PARD3B: variants seen among roughly 807,000 people sequenced by gnomAD.
The protein encoded by PARD3B is partitioning defective 3 homolog B.
In PARD3B, 103 loss-of-function variants were observed where a neutral mutation model predicts 130.2. That is an observed-to-expected ratio of 0.79 (90% CI 0.67 to 0.93). The LOEUF (loss-of-function observed/expected upper bound fraction) is 0.93, where lower values mean the gene tolerates loss of function less well. Ranked by LOEUF, PARD3B falls within the 40% of genes least tolerant of loss-of-function variation. PARD3B has a pLI of 0.00. For synonymous variants in PARD3B, 583 were observed against 553.2 expected (o/e 1.05, Z -0.76); for missense variants, 1,609 against 1,499.2 (o/e 1.07, Z -1.21).
intron 2 of PARD3B, among the ~76,000 whole-genome samples, chr2:204,885,757 A>G (rs180734633): frequency 1.4e-4 from 21 of 152,338 alleles, no homozygotes; most frequent in African/African-American, 4.1e-4. Context: ...TTGGGGGCCT[A>G]TATGTCCAGT....
intron 21 of PARD3B, among the ~76,000 whole-genome samples, chr2:205,511,799 C>T (rs1483438297): frequency 1.3e-5 from 2 of 152,184 alleles, no homozygotes; most frequent in Non-Finnish European, 2.9e-5. Flanking sequence ...ACAATTAAAA[C>T]TCCACATAAG....
intron 1 of PARD3B, among the ~76,000 whole-genome samples, chr2:204,650,776 G>A: frequency 6.6e-6 from 1 of 152,146 alleles, no homozygotes; most frequent in South Asian, 2.1e-4. Context: ...AAGAGGTTTA[G>A]TTGACTCACT....
chr2:205,009,970 C>G (rs571559657), intron 3 of PARD3B, among the ~76,000 whole-genome samples: 1 of 152,184 alleles, frequency 6.6e-6, no homozygotes, highest in African/African-American at 2.4e-5. Flanking sequence ...TCACTTCAAC[C>G]CATGAGGTAG....
intron 1 of PARD3B, among the ~76,000 whole-genome samples, chr2:204,576,767 A>G (rs151204002): frequency 5.5e-4 from 84 of 152,260 alleles, no homozygotes; most frequent in African/African-American, 2.0e-3. Context: ...TGAGTCATCT[A>G]CAAGTTCTCA....
At chr2:204,663,517 G>A (rs2035905039) in intron 1 of PARD3B, among the ~76,000 whole-genome samples, 1 of 152,154 alleles carries the variant, frequency 6.6e-6, no homozygotes, top group African/African-American at 2.4e-5. Flanking sequence ...TAGTTGGCTT[G>A]GATTTTAAAA....
chr2:204,721,084 C>T (rs933683488), intron 2 of PARD3B, among the ~76,000 whole-genome samples: 6 of 152,090 alleles, frequency 3.9e-5, no homozygotes, highest in East Asian at 1.9e-4. Flanking sequence ...GATCTCACCT[C>T]GCTGCAAAGC....
intron 2 of PARD3B, among the ~76,000 whole-genome samples, chr2:204,753,109 C>G (rs958886001): frequency 4.6e-5 from 7 of 152,086 alleles, no homozygotes; most frequent in Non-Finnish European, 5.9e-5. Context: ...ATGTAAAACA[C>G]AGTTTTGTCA....
intron 4 of PARD3B, among the ~76,000 whole-genome samples, chr2:205,052,628 C>G (rs1489704627): frequency 6.6e-6 from 1 of 151,324 alleles, no homozygotes; most frequent in Non-Finnish European, 1.5e-5. Context: ...AAATCAACCA[C>G]TGTTTGGGGG....
chr2:205,422,769 C>CGGAA (rs1334886332), intron 19 of PARD3B, among the ~76,000 whole-genome samples: 1 of 152,060 alleles, frequency 6.6e-6, no homozygotes, highest in Non-Finnish European at 1.5e-5. Context: ...CAAAGGGCCA[C>CGGAA]TAGGTAGGCC....
chr2:205,033,274 G>A (rs951944542), intron 3 of PARD3B, among the ~76,000 whole-genome samples: 3 of 151,952 alleles, frequency 2.0e-5, no homozygotes, highest in African/African-American at 7.3e-5. Context: ...AGAAATCATG[G>A]GGAAAAGATT....
At chr2:204,801,378 C>T (rs751009308) in intron 2 of PARD3B, among the ~76,000 whole-genome samples, 1 of 152,174 alleles carries the variant, frequency 6.6e-6, no homozygotes, top group Admixed American at 6.5e-5. Context: ...CTTGTGTCCT[C>T]TCTTATTTCC....
At chr2:204,870,051 C>A (rs1328921176) in intron 2 of PARD3B, among the ~76,000 whole-genome samples, 1 of 152,164 alleles carries the variant, frequency 6.6e-6, no homozygotes, top group Non-Finnish European at 1.5e-5. Context: ...CTCTTCCAGA[C>A]CTGCCTATGC....
At chr2:204,699,374 C>T (rs751552352) in intron 2 of PARD3B, among the ~76,000 whole-genome samples, 11 of 152,244 alleles carry the variant, frequency 7.2e-5, no homozygotes, top group Non-Finnish European at 1.5e-4. Context: ...TACATTGTGA[C>T]ATTGAAATCA....
At chr2:205,222,690 A>G (rs6758774) in intron 15 of PARD3B, among the ~76,000 whole-genome samples, 37,181 of 152,086 alleles carry the variant, frequency 0.24, 5,189 homozygotes, top group East Asian at 0.38. Context: ...GGTTTAATGA[A>G]TATCAATTTC....
At chr2:205,353,282 CA>C (rs1220004865) in intron 18 of PARD3B, among the ~76,000 whole-genome samples, 1 of 152,206 alleles carries the variant, frequency 6.6e-6, no homozygotes, top group African/African-American at 2.4e-5. Flanking sequence ...AACATATCCC[CA>C]GACCTGCACT....
intron 1 of PARD3B, among the ~76,000 whole-genome samples, chr2:204,571,067 C>T (rs1574479693): frequency 1.3e-5 from 2 of 152,004 alleles, no homozygotes; most frequent in South Asian, 2.1e-4. Context: ...TGTGTAAATC[C>T]GGCTGCTGTT....
chr2:205,445,621 C>T (rs902627780), intron 20 of PARD3B, among the ~76,000 whole-genome samples: 5 of 152,162 alleles, frequency 3.3e-5, no homozygotes, highest in African/African-American at 1.2e-4. Context: ...CAATCATCTC[C>T]CACCAGGCCC....
chr2:205,250,978 C>G (rs2039821281), intron 16 of PARD3B, among the ~76,000 whole-genome samples: 1 of 152,080 alleles, frequency 6.6e-6, no homozygotes, highest in South Asian at 2.1e-4. Flanking sequence ...CAGCTGGTAA[C>G]TAGTTTGGGG....
At position 205,187,613 on chromosome 2, in the gene PARD3B, G is replaced by A. The variant is rs1394160665; in HGVS notation, c.2024+1750G>A. ...AGAGAGGTGGTTCAGAGATCACCTG[G>A]GATTTAGCAACTGTCTTTTTGGCTT... On this transcript the variant is annotated intron_variant, in intron 14 of 22. Coordinates refer to ENST00000406610, the MANE Select transcript of PARD3B (RefSeq NM_001302769.2). This position sits in a 1 kb window ranked among gnomAD's most constrained non-coding sequence, Gnocchi z 4.9. Among the ~76,000 whole-genome samples the A allele has an allele frequency of 6.6e-6, 1 of 152,112 alleles. No homozygotes were observed. Among genetic ancestry groups the A allele is most frequent in the Non-Finnish European group, 1.5e-5 (1 of 68,024 alleles).
Sources: gnomAD v4.1 joint callset for allele counts (sites outside exome capture counted in the v4.1 genomes callset) on GRCh38, gnomAD v4.1.1 for gene constraint, Gnocchi (gnomAD v3.1) non-coding constraint, MANE v1.5 for transcripts, NCBI Gene and HGNC (gene_info 2026-07-23, HGNC 2026-07-21) for gene names.